RAB27A: variants seen among roughly 807,000 people sequenced by gnomAD.
The protein encoded by RAB27A is RAB27A, member RAS oncogene family.
In RAB27A, 17 loss-of-function variants were observed where a neutral mutation model predicts 20.8. That is an observed-to-expected ratio of 0.82 (90% CI 0.56 to 1.23). The LOEUF (loss-of-function observed/expected upper bound fraction) is 1.23, where lower values mean the gene tolerates loss of function less well. Ranked by LOEUF, RAB27A falls within the 50% of genes most tolerant of loss-of-function variation. The probability of loss-of-function intolerance (pLI) is 0.00; values close to 1 mark genes in which losing one functional copy is unlikely to be tolerated. For missense variants in RAB27A, 277 were observed against 266.7 expected, an observed-to-expected ratio of 1.04 and a Z score of -0.27; for synonymous variants, 85 against 92.8, an observed-to-expected ratio of 0.92 and a Z score of 0.48.
At chr15:55,264,098 T>G (rs571049765) in intron 2 of RAB27A, among the ~76,000 whole-genome samples, 1 of 152,250 alleles carries the variant, frequency 6.6e-6, no homozygotes, top group African/African-American at 2.4e-5. Context: ...CAGGCTGGAG[T>G]TGGAGTGCAG....
rs140525568 is a variant in RAB27A at position 55,231,460 on chromosome 15, C to T, written c.154-974G>A. The stretch of plus-strand genomic sequence containing the variant: ...TAAAAATTGTCCAAATCAACTTTTT[C>T]AGTACTCTAGGAATTAACAAAGACT... On this transcript the variant is annotated intron_variant, in intron 3 of 6. Coordinates refer to ENST00000336787, the MANE Select transcript of RAB27A (RefSeq NM_183235.3). Among the ~76,000 whole-genome samples, 232 of 152,218 alleles carry T rather than the reference C, an allele frequency of 1.5e-3. 1 individual carries two copies. Among genetic ancestry groups the T allele is most frequent in the African/African-American group, 5.4e-3 (226 of 41,526 alleles).
intron 2 of RAB27A, among the ~76,000 whole-genome samples, chr15:55,251,580 A>G (rs1896891520): frequency 6.6e-6 from 1 of 152,190 alleles, no homozygotes; most frequent in South Asian, 2.1e-4. Flanking sequence ...TCAAAAATCT[A>G]TATATGGATG....
At chr15:55,207,156 A>G (rs907922037) in intron 6 of RAB27A, among the ~76,000 whole-genome samples, 3 of 152,232 alleles carry the variant, frequency 2.0e-5, no homozygotes, top group Non-Finnish European at 4.4e-5. Context: ...AAGTATTGCC[A>G]AGGAGAAGAA....
intron 2 of RAB27A, among the ~76,000 whole-genome samples, chr15:55,247,729 C>T (rs1896741513): frequency 6.6e-6 from 1 of 152,004 alleles, no homozygotes; most frequent in Non-Finnish European, 1.5e-5. Context: ...CATGACTGTC[C>T]AAATAATAAA....
chr15:55,295,727 C>CA (rs1285685827), intron 2 of RAB27A, among the ~76,000 whole-genome samples: 2 of 152,134 alleles, frequency 1.3e-5, no homozygotes, highest in Admixed American at 1.3e-4. Flanking sequence ...GCTTATTGCA[C>CA]ACGAGGTTTC....
intron 1 of RAB27A, among the ~76,000 whole-genome samples, chr15:55,274,794 T>TTTTA (rs1491185564): frequency 1.9e-5 from 1 of 52,172 alleles, no homozygotes; most frequent in African/African-American, 5.8e-5. Context: ...AATAAATAAA[T>TTTTA]TATATATATA....
chr15:55,224,053 T>C (rs368843081), intron 5 of RAB27A, 41 bp from the exon 6 acceptor site: 6 of 1,433,254 alleles, frequency 4.2e-6, no homozygotes, highest in East Asian at 4.8e-5. Flanking sequence ...TAAATAATAA[T>C]GTAAGTGTAT....
intron 6 of RAB27A, among the ~76,000 whole-genome samples, chr15:55,206,758 T>A (rs147382703): frequency 6.6e-6 from 1 of 152,260 alleles, no homozygotes; most frequent in East Asian, 1.9e-4. Flanking sequence ...CTTTTTGACA[T>A]TGGAATAAGA....
intron 6 of RAB27A, among the ~76,000 whole-genome samples, chr15:55,215,944 T>TAAA: frequency 2.1e-5 from 1 of 46,834 alleles, no homozygotes; most frequent in African/African-American, 2.2e-4. Context: ...AGACGCCGTC[T>TAAA]CAAAAAAAAA....
chr15:55,250,469 C>T (rs1896848141), intron 2 of RAB27A, among the ~76,000 whole-genome samples: 1 of 152,280 alleles, frequency 6.6e-6, no homozygotes, highest in African/African-American at 2.4e-5. Flanking sequence ...CTCTCCTTTG[C>T]TTAATCAGAA....
intron 2 of RAB27A, among the ~76,000 whole-genome samples, chr15:55,235,350 A>T (rs1896212187): frequency 6.6e-6 from 1 of 152,172 alleles, no homozygotes; most frequent in African/African-American, 2.4e-5. Flanking sequence ...CAGGAGGCTG[A>T]GGCAGGAGAA....
chr15:55,303,640 C>A lies in RAB27A; in HGVS notation c.-112+10399G>T, dbSNP rs1469144374. On this transcript the variant is annotated intron_variant, in intron 2 of 5. Coordinates refer to the RAB27A transcript ENST00000563262. ...GGTCGGCCCCCCGCCCGGCCAGCCG[C>A]CCCGTCCGGGAGGGAGGTGGGGGGG... Among the ~76,000 whole-genome samples the A allele has an allele frequency of 2.7e-4, 29 of 108,098 alleles. No homozygotes were observed. In the East Asian group the frequency reaches 0.01, roughly 39 times the overall value. The allele number at this position is 108,098 out of a possible 152,430, so 70.9% of individuals were successfully genotyped here.
intron 2 of RAB27A, among the ~76,000 whole-genome samples, chr15:55,255,114 G>A (rs942363187): frequency 6.6e-6 from 1 of 152,154 alleles, no homozygotes; most frequent in African/African-American, 2.4e-5. Flanking sequence ...CCTATTGACT[G>A]CACATAGTAT....
rs570872562 is a variant in RAB27A at position 55,247,456 on chromosome 15, C to G, written c.-22-12500G>C. On this transcript the variant is annotated intron_variant, in intron 2 of 6. Coordinates refer to ENST00000336787, the MANE Select transcript of RAB27A (RefSeq NM_183235.3). ...AATTTCCAAGTTGCAAAACACAGAC[C>G]TAAAAACAGTGTCAAGGAATCTGTC... 4.6e-5 allele frequency among the ~76,000 whole-genome samples: 7 copies of G among 152,008 alleles called. No homozygotes were observed. The South Asian group carries it at 1.5e-3, about 32-fold the overall frequency.
chr15:55,316,294 C>CCAT (rs2055043643), intron 1 of RAB27A, among the ~76,000 whole-genome samples: 1 of 148,324 alleles, frequency 6.7e-6, no homozygotes, highest in Non-Finnish European at 1.5e-5. Flanking sequence ...AAGCTGGAAA[C>CCAT]CATCATTCTC....
At chr15:55,318,908 G>A (rs1363443240) in intron 1 of RAB27A, 2 of 234,582 alleles carry the variant, frequency 8.5e-6, no homozygotes, top group Admixed American at 5.4e-5. Context: ...TACCGTTACC[G>A]TTTTTAATAA....
In RAB27A at chr15:55,203,402, T is replaced by C. The variant is rs1329095939; in HGVS notation, c.*2105A>G. ...TATATAAGGCACTGCTGTGTGATTA[T>C]GACCCTGCTCTTTTTTTTTTTTTTT... is the stretch of plus-strand genomic sequence containing the variant. On this transcript the variant is annotated 3_prime_UTR_variant, in exon 7 of 7. Transcript: ENST00000336787. 6.6e-6 allele frequency: 1 copy of C among 151,096 alleles called. No individual in the cohort carries two copies. Among genetic ancestry groups the C allele is most frequent in the Non-Finnish European group, 1.5e-5 (1 of 67,926 alleles). 9.4% of individuals were successfully genotyped at this position (151,096 alleles called of 1,614,324 possible).
intron 2 of RAB27A, among the ~76,000 whole-genome samples, chr15:55,243,690 T>C (rs1292692807): frequency 6.6e-6 from 1 of 152,122 alleles, no homozygotes; most frequent in East Asian, 1.9e-4. Flanking sequence ...TGGCCCTCTC[T>C]CTTTTTCCTT....
chr15:55,293,655 C>T (rs2054934597), upstream of RAB27A, among the ~76,000 whole-genome samples: 1 of 152,184 alleles, frequency 6.6e-6, no homozygotes, highest in Admixed American at 6.5e-5. Flanking sequence ...CGGTGGCTCA[C>T]GCTTGTAATC....
Sources: gnomAD v4.1 joint callset for allele counts (sites outside exome capture counted in the v4.1 genomes callset) on GRCh38, gnomAD v4.1.1 for gene constraint, MANE v1.5 for transcripts, NCBI Gene and HGNC (gene_info 2026-07-23, HGNC 2026-07-21) for gene names.